Variants in SPECC1L observed in about 807,000 individuals in gnomAD.
SPECC1L encodes sperm antigen with calponin homology and coiled-coil domains 1 like, also known as cytospin-A.
SPECC1L carries 40 observed loss-of-function variants against 116.8 expected under a neutral mutation model. The ratio of observed to expected loss-of-function variants is 0.34; its 90% CI spans 0.27 to 0.45. SPECC1L has a LOEUF of 0.45. Ranked by LOEUF, SPECC1L falls within the 20% of genes least tolerant of loss-of-function variation. SPECC1L has a pLI of 1.00. For missense variants in SPECC1L, 1,110 were observed against 1,373.6 expected (o/e 0.81, Z 3.03); for synonymous variants, 504 against 500.6 (o/e 1.01, Z -0.09).
chr22:24,271,299 C>T (rs1334440776), intron 1 of SPECC1L, among the ~76,000 whole-genome samples: 1 of 152,206 alleles, frequency 6.6e-6, no homozygotes, highest in African/African-American at 2.4e-5. Context: ...GCAGACAGGC[C>T]GGGTGCGACC....
chr22:24,325,371 A>G (rs184328535), intron 6 of SPECC1L, among the ~76,000 whole-genome samples: 117 of 152,304 alleles, frequency 7.7e-4, no homozygotes, highest in South Asian at 1.0e-3. Flanking sequence ...ACTTAAGCAC[A>G]AATTCCTTTG....
chr22:24,332,043 T>TTTC (rs2040949207), intron 8 of SPECC1L, among the ~76,000 whole-genome samples: 1 of 151,200 alleles, frequency 6.6e-6, no homozygotes, highest in South Asian at 2.1e-4. Context: ...TTTGAGCTGC[T>TTTC]TTCTTTTTTC....
rs1257930840 is a variant in SPECC1L at position 24,411,723 on chromosome 22, G to A, written c.3204+19G>A. 1 of 1,589,330 alleles carries A rather than the reference G, an allele frequency of 6.3e-7. No individual in the cohort carries two copies. The highest frequency in any genetic ancestry group is 8.6e-7 in the Non-Finnish European group (1 of 1,159,168). Reference sequence around the variant, plus strand: ...GGATAAGGTAGGCCATGGAGGGCCAGCTCCTGGCACCCACCTCACAGGGTT... The same window carrying A: ...GGATAAGGTAGGCCATGGAGGGCCAACTCCTGGCACCCACCTCACAGGGTT... On this transcript the variant is annotated intron_variant, in intron 15 of 16. Transcript: ENST00000314328.
At chr22:24,341,687 C>T (rs1469484551) in intron 10 of SPECC1L, among the ~76,000 whole-genome samples, 1 of 152,188 alleles carries the variant, frequency 6.6e-6, no homozygotes, top group Non-Finnish European at 1.5e-5. Context: ...TCGTGATTTG[C>T]TTCCAGTGAA....
At chr22:24,366,650 A>G (rs763780694) in intron 13 of SPECC1L, among the ~76,000 whole-genome samples, 1 of 152,182 alleles carries the variant, frequency 6.6e-6, no homozygotes, top group Non-Finnish European at 1.5e-5. Flanking sequence ...GATTTCAGTA[A>G]CAGATCTTTA....
At chr22:24,381,475 A>C (rs1242015885) in intron 14 of SPECC1L, among the ~76,000 whole-genome samples, 2 of 152,200 alleles carry the variant, frequency 1.3e-5, no homozygotes, top group African/African-American at 4.8e-5. Context: ...AAAAGATTGG[A>C]TATTCCTTAC....
At chr22:24,293,230 C>T (rs1233687416) in intron 2 of SPECC1L, among the ~76,000 whole-genome samples, 18 of 151,990 alleles carry the variant, frequency 1.2e-4, no homozygotes, top group South Asian at 2.1e-4. Flanking sequence ...CCGAGGCAGT[C>T]GAATCATGAG....
intron 3 of SPECC1L, among the ~76,000 whole-genome samples, chr22:24,306,079 G>C (rs1194503652): frequency 1.3e-5 from 2 of 151,994 alleles, no homozygotes; most frequent in Non-Finnish European, 2.9e-5. Context: ...CTAATTTTTT[G>C]TATTTTTAGT....
At chr22:24,280,055 A>G (rs1286650635) in intron 2 of SPECC1L, among the ~76,000 whole-genome samples, 1 of 152,220 alleles carries the variant, frequency 6.6e-6, no homozygotes, top group Non-Finnish European at 1.5e-5. Flanking sequence ...GGACTGACAC[A>G]TGAACTCTCA....
chr22:24,299,236 G>A (rs2049327327), intron 2 of SPECC1L, among the ~76,000 whole-genome samples: 1 of 152,114 alleles, frequency 6.6e-6, no homozygotes, highest in Non-Finnish European at 1.5e-5. Flanking sequence ...AGTTATTTCT[G>A]AATTTTATTT....
rs200239876 is a variant in SPECC1L at position 24,338,419 on chromosome 22, C to A, written c.2594C>A (p.Thr865Lys). The A allele has an allele frequency of 6.2e-7, 1 of 1,614,076 alleles. No individual in the cohort carries two copies. Among genetic ancestry groups the A allele is most frequent in the East Asian group, 2.2e-5 (1 of 44,864 alleles). The change falls in exon 10 of 17, where the codon ACG becomes AAG. Residue 865 changes from threonine (T) to lysine (K), a missense_variant. This residue lies in a region of SPECC1L where 575 missense variants were observed against 682.4 expected (regional missense o/e 0.84). Transcript: ENST00000314328. ...PNPAAAAIPR[T>K]PLSPSPMKTP... ...CCTGCTGCAGCTGCAATTCCTCGAA[C>A]GCCCCTGAGCCCAAGTCCTATGAAA...
At chr22:24,311,993 G>A (rs1349675277) in intron 3 of SPECC1L, among the ~76,000 whole-genome samples, 4 of 151,872 alleles carry the variant, frequency 2.6e-5, no homozygotes, top group Non-Finnish European at 5.9e-5. Context: ...GGTGGGGACA[G>A]GGTCTCACTC....
intron 14 of SPECC1L, among the ~76,000 whole-genome samples, chr22:24,407,613 T>C (rs1268520776): frequency 6.6e-6 from 1 of 152,108 alleles, no homozygotes; most frequent in Non-Finnish European, 1.5e-5. Context: ...GCGTTGCCAT[T>C]GGCCTCACAC....
intron 3 of SPECC1L, among the ~76,000 whole-genome samples, chr22:24,305,110 G>A (rs1380921486): frequency 6.6e-6 from 1 of 152,228 alleles, no homozygotes; most frequent in African/African-American, 2.4e-5. Context: ...GAGCCTGCTA[G>A]TAGCTTAGGG....
chr22:24,365,588 TTCTCCAACGGCA>T lies in SPECC1L; in HGVS notation c.2944_2955del (p.Pro982_Ser985del), dbSNP rs1187803720. On this transcript the variant is annotated inframe_deletion, in exon 13 of 17. Coordinates refer to ENST00000314328, the MANE Select transcript of SPECC1L (RefSeq NM_015330.6). ...CGTCTCCACAGCTTTCCCTGTCCTC[TTCTCCAACGGCA>T]TCTGTGACTCCCACCACCCGAAGCC... 1 of 1,614,146 alleles carries T rather than the reference TTCTCCAACGGCA, an allele frequency of 6.2e-7. No homozygotes were observed.
intron 14 of SPECC1L, among the ~76,000 whole-genome samples, chr22:24,391,325 C>CT (rs1409048026): frequency 6.6e-6 from 1 of 152,200 alleles, no homozygotes; most frequent in African/African-American, 2.4e-5. Flanking sequence ...TCACAGTGTA[C>CT]TTACTGCATT....
At position 24,405,904 on chromosome 22, in the gene SPECC1L, C is replaced by T. The variant is rs1003163094; in HGVS notation, c.3088-5684C>T. On this transcript the variant is annotated intron_variant, in intron 14 of 16. Coordinates refer to ENST00000314328, the MANE Select transcript of SPECC1L (RefSeq NM_015330.6). ...ACAGTTTCAGTAGGGGTCGAAGACT[C>T]GTCATCTTGTGTGGGCTGGGATTTC... 3.3e-5 allele frequency among the ~76,000 whole-genome samples: 5 copies of T among 151,888 alleles called. No homozygotes were observed. In the East Asian group the frequency reaches 9.7e-4, roughly 29 times the overall value.
intron 9 of SPECC1L, among the ~76,000 whole-genome samples, chr22:24,336,842 T>C (rs537328588): frequency 2.0e-4 from 30 of 152,132 alleles, no homozygotes; most frequent in Non-Finnish European, 3.8e-4. Context: ...TAACGATGCT[T>C]TAACTTTTGA....
chr22:24,277,936 A>G (rs573935167), intron 2 of SPECC1L, among the ~76,000 whole-genome samples: 59 of 152,384 alleles, frequency 3.9e-4, no homozygotes, highest in Non-Finnish European at 6.3e-4. Context: ...TGTAGTAGCT[A>G]TGTTAAACAC....
Sources: gnomAD v4.1 joint callset for allele counts (sites outside exome capture counted in the v4.1 genomes callset) on GRCh38, gnomAD v4.1.1 for gene constraint, gnomAD v4.1.1 regional missense constraint, MANE v1.5 for transcripts, NCBI Gene and HGNC (gene_info 2026-07-23, HGNC 2026-07-21) for gene names.